Variants in ANAPC5 observed in about 807,000 individuals in gnomAD.
ANAPC5 encodes anaphase promoting complex subunit 5, also known as anaphase-promoting complex subunit 5.
ANAPC5 carries 60 observed loss-of-function variants against 91.3 expected under a neutral mutation model. That is an observed-to-expected ratio of 0.66 (90% CI 0.53 to 0.81). The LOEUF is 0.81. Ranked by LOEUF, ANAPC5 falls within the 40% of genes least tolerant of loss-of-function variation. The pLI, the probability that ANAPC5 is intolerant of heterozygous loss-of-function variation, is 0.00. For synonymous variants in ANAPC5, 340 were observed against 364.1 expected, an observed-to-expected ratio of 0.93 and a Z score of 0.75; for missense variants, 690 against 931.5, an observed-to-expected ratio of 0.74 and a Z score of 3.37.
intron 3 of ANAPC5, chr12:121,346,694 T>C: frequency 2.4e-6 from 1 of 414,526 alleles, no homozygotes; most frequent in Non-Finnish European, 4.3e-6. Context: ...CTCTTACTAT[T>C]GTAGACAAAA....
At chr12:121,330,475 T>G in intron 9 of ANAPC5, 108 bp downstream of exon 9, 1 of 854,488 alleles carries the variant, frequency 1.2e-6, no homozygotes, top group East Asian at 2.6e-5. Context: ...AAAACCACAC[T>G]TTGAAACCCA....
At chr12:121,350,986 TA>T (rs1903867456) in intron 1 of ANAPC5, 1 of 389,644 alleles carries the variant, frequency 2.6e-6, no homozygotes, top group Non-Finnish European at 5.0e-6. Flanking sequence ...TAACAGTTTC[TA>T]CTATTGTTCC....
chr12:121,350,927 C>T, intron 1 of ANAPC5: 1 of 332,462 alleles, frequency 3.0e-6, no homozygotes, highest in Non-Finnish European at 5.9e-6. Flanking sequence ...CATATGTGAA[C>T]ACACTAAAAT....
In ANAPC5 at chr12:121,349,565, C is replaced by G. The variant is rs7954151; in HGVS notation, c.208-1684G>C. Among the ~76,000 whole-genome samples the G allele has an allele frequency of 3.5e-3, 523 of 148,538 alleles. 5 individuals are homozygous for G. Among genetic ancestry groups the G allele is most frequent in the African/African-American group, 0.012 (490 of 40,258 alleles). ...ACTGAGGGAGTGAGATCCCACCACT[C>G]TAAAAAAATTAAAAAAAAAATAAAT... On this transcript the variant is annotated intron_variant, in intron 1 of 16. Coordinates refer to ENST00000261819, the MANE Select transcript of ANAPC5 (RefSeq NM_016237.5).
At position 121,327,146 on chromosome 12, in the gene ANAPC5, CTG is replaced by C. The variant is rs782790413; in HGVS notation, c.1388_1389del (p.Thr463ArgfsTer25). The C allele has an allele frequency of 2.5e-6, 4 of 1,613,150 alleles. No individual in the cohort carries two copies. The South Asian group carries it at 3.3e-5, about 13-fold the overall frequency. On this transcript the variant is annotated frameshift_variant, in exon 11 of 17. Coordinates refer to ENST00000261819, the MANE Select transcript of ANAPC5 (RefSeq NM_016237.5). LOFTEE classifies it high-confidence loss of function. ...TGGCAGAGTGCGACAGCAAAGGACT[CTG>C]TGTTGTTCTGCTGCACGCCCGCATT... The part of the protein sequence containing the change: ...AVNAGVQQNN[T>X]ESFAVALCHL...
chr12:121,341,827 G>A (rs985182709), intron 5 of ANAPC5, among the ~76,000 whole-genome samples, 176 bp downstream of exon 5: 1 of 152,054 alleles, frequency 6.6e-6, no homozygotes, highest in Admixed American at 6.6e-5. Flanking sequence ...AATAGGAAGG[G>A]GCACAGAGCT....
chr12:121,335,921 A>G (rs1903218911), intron 6 of ANAPC5, among the ~76,000 whole-genome samples, 198 bp from the exon 7 acceptor site: 1 of 152,154 alleles, frequency 6.6e-6, no homozygotes. Flanking sequence ...GGAGTCCACA[A>G]ATTAAAAATG....
intron 15 of ANAPC5, among the ~76,000 whole-genome samples, chr12:121,314,775 C>T (rs921605873): frequency 6.6e-6 from 1 of 151,978 alleles, no homozygotes; most frequent in East Asian, 1.9e-4. Flanking sequence ...CAGGCATGCA[C>T]CACCACCACT....
chr12:121,319,712 A>G lies in ANAPC5; in HGVS notation c.1622T>C (p.Ile541Thr), dbSNP rs753914734. 9 of 1,611,302 alleles carry G rather than the reference A, an allele frequency of 5.6e-6. No individual in the cohort carries two copies. In the South Asian group the frequency reaches 7.8e-5, roughly 14 times the overall value. ...LVTGITALNS[I>T]EGVYRKAVVL... ...GGTTTCTTACCTATAAACACCCTCT[A>G]TGCTATTGAGAGCTGTGATTCCTGT... is the stretch of plus-strand genomic sequence containing the variant. Residue 541 changes from isoleucine (I) to threonine (T), a missense_variant, in exon 13 of 17, where the codon ATA becomes ACA. By Grantham distance (89) the Ile-to-Thr change is moderately conservative (BLOSUM62 -1). Transcript: ENST00000261819.
intron 15 of ANAPC5, among the ~76,000 whole-genome samples, chr12:121,313,052 G>A (rs796561423): frequency 4.6e-5 from 7 of 152,254 alleles, no homozygotes; most frequent in African/African-American, 1.7e-4. Flanking sequence ...GAGGCCGGGC[G>A]CGGTGGTTCA....
intron 8 of ANAPC5, chr12:121,331,144 T>C (rs1300865824): frequency 3.9e-6 from 2 of 507,770 alleles, no homozygotes; most frequent in Non-Finnish European, 7.2e-6. Flanking sequence ...AGCAGATATA[T>C]GCCAAAAGCA....
intron 1 of ANAPC5, among the ~76,000 whole-genome samples, chr12:121,348,704 G>A (rs556134887): frequency 6.6e-6 from 1 of 152,246 alleles, no homozygotes; most frequent in South Asian, 2.1e-4. Context: ...TAAAGAGTAT[G>A]CAACCTCAGC....
intron 13 of ANAPC5, among the ~76,000 whole-genome samples, chr12:121,319,347 C>T (rs1447353956): frequency 1.3e-5 from 2 of 151,932 alleles, no homozygotes; most frequent in Non-Finnish European, 2.9e-5. Context: ...ATTCTCCTCC[C>T]TCAGCCTCCC....
rs781969044 is a variant in ANAPC5 at position 121,331,397 on chromosome 12, T to C, written c.982A>G (p.Ile328Val). 1.9e-6 allele frequency: 3 copies of C among 1,609,314 alleles called. No individual in the cohort carries two copies. Among genetic ancestry groups the C allele is most frequent in the Non-Finnish European group, 2.6e-6 (3 of 1,175,928 alleles). Residue 328 changes from isoleucine (I) to valine (V), a missense_variant, in exon 8 of 17, where the codon ATT (isoleucine) becomes GTT (valine). Around this residue, in one of 5 missense-constraint regions of ANAPC5, gnomAD observed 83 missense variants for 150.8 expected, o/e 0.55. Coordinates refer to ENST00000261819, the MANE Select transcript of ANAPC5 (RefSeq NM_016237.5). ...QQAELALQEA[I>V]RIAQESNDHV... ...TCGTTGGACTCCTGGGCAATCCTAA[T>C]TGCCTCCTGCAGGGCGAGCTCTGCC...
chr12:121,339,887 T>TC (rs1324633910), intron 5 of ANAPC5, among the ~76,000 whole-genome samples: 1 of 146,120 alleles, frequency 6.8e-6, no homozygotes, highest in Non-Finnish European at 1.5e-5. Context: ...TTTTTTTTTT[T>TC]TTTTCCCAGA....
At chr12:121,350,604 C>T (rs1555275199) in intron 1 of ANAPC5, among the ~76,000 whole-genome samples, 1 of 151,904 alleles carries the variant, frequency 6.6e-6, no homozygotes, top group African/African-American at 2.4e-5. Context: ...TGGCGTGAAC[C>T]CGGGAGGCGG....
intron 15 of ANAPC5, among the ~76,000 whole-genome samples, chr12:121,313,708 A>C (rs1363547993): frequency 6.6e-6 from 1 of 152,338 alleles, no homozygotes; most frequent in African/African-American, 2.4e-5. Flanking sequence ...AGAAACAGGA[A>C]ATCTGAATAG....
intron 3 of ANAPC5, 40 bp downstream of exon 3, chr12:121,346,856 A>C: frequency 7.6e-7 from 1 of 1,321,424 alleles, no homozygotes; most frequent in South Asian, 1.3e-5. Flanking sequence ...TGCTCACTTC[A>C]ATGAAAATAC....
intron 9 of ANAPC5, among the ~76,000 whole-genome samples, chr12:121,329,656 C>T (rs10744760): frequency 0.88 from 130,916 of 149,600 alleles, 58,632 homozygotes; most frequent in East Asian, 0.99. Flanking sequence ...ATTCTTGTTG[C>T]CCAGGCTGGA....
Sources: allele counts gnomAD v4.1 joint callset (sites outside exome capture counted in the v4.1 genomes callset), GRCh38; gene constraint gnomAD v4.1.1; regional missense constraint gnomAD v4.1.1; transcripts MANE v1.5; gene names NCBI Gene and HGNC (gene_info 2026-07-23, HGNC 2026-07-21).